JAKMIP2: variants seen among roughly 807,000 people sequenced by gnomAD.
JAKMIP2 encodes janus kinase and microtubule interacting protein 2.
In JAKMIP2, 25 loss-of-function variants were observed where a neutral mutation model predicts 115.0. The ratio of observed to expected loss-of-function variants is 0.22; its 90% CI spans 0.16 to 0.30. The LOEUF is 0.30. Ranked by LOEUF, JAKMIP2 falls within the 10% of genes least tolerant of loss-of-function variation. The pLI is 1.00. For synonymous variants in JAKMIP2, 334 were observed against 343.6 expected (o/e 0.97, Z 0.31); for missense variants, 642 against 957.6 (o/e 0.67, Z 4.35).
chr5:147,633,954 T>G (rs1358789614), intron 12 of JAKMIP2, among the ~76,000 whole-genome samples: 2 of 152,176 alleles, frequency 1.3e-5, no homozygotes, highest in Non-Finnish European at 2.9e-5. Flanking sequence ...CCTCCCAATG[T>G]GCTAGGATTA....
At chr5:147,601,037 G>A (rs894193467) in intron 21 of JAKMIP2, among the ~76,000 whole-genome samples, 2 of 152,112 alleles carry the variant, frequency 1.3e-5, no homozygotes, top group Admixed American at 6.6e-5. Flanking sequence ...CAAGCTGAAC[G>A]CAACACTAAA....
intron 21 of JAKMIP2, among the ~76,000 whole-genome samples, chr5:147,598,650 A>G (rs1301927011): frequency 6.6e-6 from 1 of 152,180 alleles, no homozygotes; most frequent in African/African-American, 2.4e-5. Context: ...TATTTAGTCA[A>G]TGCCAGCACT....
rs144366993 is a variant in JAKMIP2 at position 147,652,554 on chromosome 5, G to C, written c.628-2007C>G. Among the ~76,000 whole-genome samples, 53 of 152,218 alleles carry C rather than the reference G, an allele frequency of 3.5e-4. No individual in the cohort carries two copies. The East Asian group carries it at 7.5e-3, about 22-fold the overall frequency. On this transcript the variant is annotated intron_variant, in intron 3 of 21. Coordinates refer to ENST00000616793, the MANE Select transcript of JAKMIP2 (RefSeq NM_001270941.2). ...CTTTCAGTTCCAAAAATGGAGCTTG[G>C]GGTAGGGGTAGGCACAGAGTAAAAA...
intron 1 of JAKMIP2, among the ~76,000 whole-genome samples, chr5:147,764,550 A>G (rs536236189): frequency 6.6e-6 from 1 of 152,084 alleles, no homozygotes; most frequent in Admixed American, 6.5e-5. Context: ...GAGTTAAGTA[A>G]AAGAGATTTA....
chr5:147,654,726 C>T (rs937050942), intron 3 of JAKMIP2, among the ~76,000 whole-genome samples: 3 of 152,178 alleles, frequency 2.0e-5, no homozygotes, highest in African/African-American at 7.2e-5. Flanking sequence ...CCTGATTACC[C>T]TGGCCAGAGC....
rs1389654170 is a variant in JAKMIP2, at chr5:147,590,892, G to A, written c.*815C>T. 6.6e-6 allele frequency: 1 copy of A among 152,222 alleles called. No homozygotes were observed. Among genetic ancestry groups the A allele is most frequent in the Non-Finnish European group, 1.5e-5 (1 of 68,062 alleles). The allele number at this position is 152,222 out of a possible 1,614,324, so 9.4% of individuals were successfully genotyped here. A position where few individuals can be genotyped will look rare whatever the true frequency, so the allele number is the denominator to read the frequency against. ...GAATGCAGATGTGAGAGTAGGACAA[G>A]GAAGCATCGAATCTGCTTTTATTTC... On this transcript the variant is annotated 3_prime_UTR_variant, in exon 22 of 22. Coordinates refer to ENST00000616793, the MANE Select transcript of JAKMIP2 (RefSeq NM_001270941.2).
In JAKMIP2 at chr5:147,782,568, G is replaced by C; in HGVS notation, c.-261C>G. On this transcript the variant is annotated 5_prime_UTR_variant, in exon 1 of 22. Coordinates refer to ENST00000616793, the MANE Select transcript of JAKMIP2 (RefSeq NM_001270941.2). ...GAACCCAACATCAGCAGTGGCTGCC[G>C]GTTTTTTTTTTCCCTCTGTCTCTGG... 1 of 1,200,168 alleles carries C rather than the reference G, an allele frequency of 8.3e-7. No homozygotes were observed. Among genetic ancestry groups the C allele is most frequent in the Non-Finnish European group, 1.2e-6 (1 of 842,048 alleles). 74.3% of individuals were successfully genotyped at this position (1,200,168 alleles called of 1,614,324 possible).
chr5:147,782,418 T>A, intron 1 of JAKMIP2, 38 bp downstream of exon 1: 1 of 1,534,350 alleles, frequency 6.5e-7, no homozygotes, highest in Non-Finnish European at 8.7e-7. Flanking sequence ...ATAAGAACAC[T>A]CTAAACCAAG....
intron 12 of JAKMIP2, among the ~76,000 whole-genome samples, chr5:147,633,062 C>G (rs1046913955): frequency 1.3e-5 from 2 of 152,076 alleles, no homozygotes; most frequent in African/African-American, 2.4e-5. Flanking sequence ...ACTCACTTTG[C>G]CCTTGTGATG....
chr5:147,617,762 A>G, intron 19 of JAKMIP2, 149 bp downstream of exon 19: 1 of 640,286 alleles, frequency 1.6e-6, no homozygotes, highest in South Asian at 2.0e-5. Flanking sequence ...ATGTGCATGA[A>G]GGTAGAAAAC....
intron 6 of JAKMIP2, among the ~76,000 whole-genome samples, 160 bp downstream of exon 6, chr5:147,644,690 C>A (rs1025357414): frequency 2.0e-5 from 3 of 152,178 alleles, no homozygotes. Flanking sequence ...TCAGAGCCAG[C>A]AACCTTCTCT....
intron 1 of JAKMIP2, among the ~76,000 whole-genome samples, chr5:147,731,567 T>C (rs148317575): frequency 3.3e-3 from 497 of 152,322 alleles, no homozygotes; most frequent in African/African-American, 0.011. Flanking sequence ...CATGTTTTTC[T>C]AGGAAGAAGA....
chr5:147,613,271 A>G (rs972320992), intron 19 of JAKMIP2, among the ~76,000 whole-genome samples: 4 of 152,200 alleles, frequency 2.6e-5, no homozygotes, highest in African/African-American at 9.7e-5. Flanking sequence ...CTTCTTATTT[A>G]ATACCTCTGT....
At chr5:147,676,739 C>T (rs893018336) in intron 1 of JAKMIP2, among the ~76,000 whole-genome samples, 1 of 152,188 alleles carries the variant, frequency 6.6e-6, no homozygotes, top group African/African-American at 2.4e-5. Context: ...AAGTTAGAGA[C>T]AGCCTCTTAG....
chr5:147,654,696 C>T (rs778468531), intron 3 of JAKMIP2, among the ~76,000 whole-genome samples: 49 of 152,240 alleles, frequency 3.2e-4, no homozygotes, highest in East Asian at 5.8e-4. Flanking sequence ...TATCTGAATA[C>T]GCTTGATTTC....
intron 1 of JAKMIP2, among the ~76,000 whole-genome samples, chr5:147,712,232 T>G (rs757147584): frequency 6.6e-6 from 1 of 152,152 alleles, no homozygotes; most frequent in Admixed American, 6.5e-5. Flanking sequence ...TTCCAGCCAC[T>G]CCAGGAAATA....
At chr5:147,710,569 A>C (rs1210412225) in intron 1 of JAKMIP2, among the ~76,000 whole-genome samples, 1 of 152,186 alleles carries the variant, frequency 6.6e-6, no homozygotes, top group Non-Finnish European at 1.5e-5. Flanking sequence ...GGTCTGTAAA[A>C]TAAAGATTAT....
intron 1 of JAKMIP2, among the ~76,000 whole-genome samples, chr5:147,702,631 A>AGAAG (rs1561547483): frequency 3.0e-4 from 38 of 127,716 alleles, no homozygotes; most frequent in Admixed American, 4.8e-4. Context: ...AAAGAAAGAA[A>AGAAG]GAAAGAAAGA....
At chr5:147,716,063 C>A in intron 1 of JAKMIP2, among the ~76,000 whole-genome samples, 1 of 140,854 alleles carries the variant, frequency 7.1e-6, no homozygotes, top group Admixed American at 7.2e-5. Flanking sequence ...TCTCATTGTT[C>A]AATTCCCACG....
Sources: gnomAD v4.1 joint callset for allele counts (sites outside exome capture counted in the v4.1 genomes callset) on GRCh38, gnomAD v4.1.1 for gene constraint, MANE v1.5 for transcripts, NCBI Gene and HGNC (gene_info 2026-07-23, HGNC 2026-07-21) for gene names.